Variants in CFAP20DC observed in about 807,000 individuals in gnomAD.
The protein encoded by CFAP20DC is protein CFAP20DC.
In CFAP20DC, 84 loss-of-function variants were observed where a neutral mutation model predicts 101.7. That is an observed-to-expected ratio of 0.83 (90% CI 0.69 to 0.99). The LOEUF is 0.99. CFAP20DC is among the 50% of genes least tolerant of loss of function. The pLI, the probability that CFAP20DC is intolerant of heterozygous loss-of-function variation, is 0.00. For synonymous variants in CFAP20DC, 359 were observed against 351.2 expected (o/e 1.02, Z -0.25); for missense variants, 1,007 against 970.3 (o/e 1.04, Z -0.50).
At chr3:58,750,169 C>A (rs73837945) in intron 16 of CFAP20DC, among the ~76,000 whole-genome samples, 2,707 of 152,262 alleles carry the variant, frequency 0.018, 96 homozygotes, top group African/African-American at 0.062. Context: ...AAAGTAGGGA[C>A]AGGAACCTCT....
rs376001623 is a variant in CFAP20DC at position 58,885,640 on chromosome 3, A to G, written c.551-931T>C. Reference sequence around the variant, plus strand: ...CCCCCTACCATTTCCAGCATCTAGTATCCTCTGTACTTCTTTTTACTTCTA... The same window carrying G: ...CCCCCTACCATTTCCAGCATCTAGTGTCCTCTGTACTTCTTTTTACTTCTA... On this transcript the variant is annotated intron_variant, in intron 6 of 16. Transcript: ENST00000482387. Among the ~76,000 whole-genome samples the G allele has an allele frequency of 6.7e-5, 10 of 150,312 alleles. No individual in the cohort carries two copies. In the East Asian group the frequency reaches 1.9e-3, roughly 29 times the overall value.
intron 15 of CFAP20DC, among the ~76,000 whole-genome samples, chr3:58,777,900 A>G (rs2071479941): frequency 6.6e-6 from 1 of 152,194 alleles, no homozygotes; most frequent in South Asian, 2.1e-4. Context: ...ACCAAGTCCT[A>G]AGGAGCTGCA....
intron 7 of CFAP20DC, among the ~76,000 whole-genome samples, chr3:58,872,421 C>G (rs1325467475): frequency 6.6e-6 from 1 of 151,802 alleles, no homozygotes; most frequent in Admixed American, 6.6e-5. Flanking sequence ...ATATACCATA[C>G]TCAGCAAGAT....
chr3:58,861,686 T>G lies in CFAP20DC; in HGVS notation c.1593+1872A>C. 1 of 985,444 alleles carries G rather than the reference T, an allele frequency of 1.0e-6. No homozygotes were observed. The highest frequency in any genetic ancestry group is 1.2e-6 in the Non-Finnish European group (1 of 829,936). 61.0% of individuals were successfully genotyped at this position (985,444 alleles called of 1,614,324 possible). On this transcript the variant is annotated intron_variant, in intron 12 of 16. Transcript: ENST00000482387. This position sits in a 1 kb window ranked among gnomAD's most constrained non-coding sequence, Gnocchi z 4.0. Reference sequence around the variant, plus strand: ...ACCAGCAAACCCCAAAGCTTGATAATGTGGCAGGTGTTTCCCCTCTCTCTG... The same window carrying G: ...ACCAGCAAACCCCAAAGCTTGATAAGGTGGCAGGTGTTTCCCCTCTCTCTG...
intron 13 of CFAP20DC, among the ~76,000 whole-genome samples, chr3:58,838,632 T>A (rs550934376): frequency 2.0e-5 from 3 of 152,218 alleles, no homozygotes; most frequent in Non-Finnish European, 4.4e-5. Context: ...TATATTTATA[T>A]AGAATAACTT....
rs2091404111 is a variant in CFAP20DC at position 58,964,649 on chromosome 3, A to C, written c.279-26887T>G. Among the ~76,000 whole-genome samples, 1 of 152,210 alleles carries C rather than the reference A, an allele frequency of 6.6e-6. No homozygotes were observed. Among genetic ancestry groups the C allele is most frequent in the East Asian group, 1.9e-4 (1 of 5,206 alleles). ...AGTTAACACCTACCACTTACTAATA[A>C]TAATTTGAACTACTTATTTACATAT... On this transcript the variant is annotated intron_variant, in intron 4 of 16. Coordinates refer to ENST00000482387, the MANE Select transcript of CFAP20DC (RefSeq NM_001394063.1). The surrounding 1 kb of genome is among the most constrained non-coding windows in gnomAD (Gnocchi z 4.1).
chr3:58,780,383 G>A (rs115304968), intron 15 of CFAP20DC, among the ~76,000 whole-genome samples: 1 of 151,970 alleles, frequency 6.6e-6, no homozygotes, highest in Non-Finnish European at 1.5e-5. Flanking sequence ...AAGGAACAAA[G>A]GATATGTAAA....
intron 4 of CFAP20DC, among the ~76,000 whole-genome samples, chr3:58,958,147 A>T (rs981240557): frequency 2.0e-5 from 3 of 152,124 alleles, no homozygotes; most frequent in Admixed American, 6.5e-5. Context: ...CAAATTTTTT[A>T]AAAATTATTT....
Position 58,878,476 on chromosome 3 carries a change from T to C in CFAP20DC, c.715+6069A>G, listed in dbSNP as rs916570822. 2.6e-5 allele frequency among the ~76,000 whole-genome samples: 4 copies of C among 152,288 alleles called. No individual in the cohort carries two copies. In the South Asian group the frequency reaches 8.3e-4, roughly 32 times the overall value. ...ATTTATTAAAAAGTCAGAATTAGCC[T>C]ACTTTTTTTCTTTACTCTTAATGAG... On this transcript the variant is annotated intron_variant, in intron 7 of 16. Coordinates refer to ENST00000482387, the MANE Select transcript of CFAP20DC (RefSeq NM_001394063.1).
intron 16 of CFAP20DC, among the ~76,000 whole-genome samples, chr3:58,746,041 C>G (rs369852015): frequency 8.5e-5 from 13 of 152,102 alleles, no homozygotes; most frequent in African/African-American, 4.8e-5. Context: ...GGGTTATGTA[C>G]GTTTATACCT....
chr3:58,857,073 A>G (rs186146081), intron 12 of CFAP20DC, among the ~76,000 whole-genome samples: 3 of 152,338 alleles, frequency 2.0e-5, no homozygotes, highest in East Asian at 1.9e-4. Context: ...TCTAGACACT[A>G]TACAAGATAC....
chr3:58,810,090 C>A (rs914926147), intron 14 of CFAP20DC, among the ~76,000 whole-genome samples: 3 of 152,114 alleles, frequency 2.0e-5, no homozygotes, highest in Non-Finnish European at 4.4e-5. Context: ...GAATCCAGGA[C>A]CAGATGGACT....
intron 5 of CFAP20DC, among the ~76,000 whole-genome samples, chr3:58,935,067 C>T (rs2087335473): frequency 6.6e-6 from 1 of 152,210 alleles, no homozygotes; most frequent in Admixed American, 6.5e-5. Flanking sequence ...TAAGCAACTT[C>T]AGCAAAGTCT....
chr3:58,728,296 G>T lies in CFAP20DC; in HGVS notation c.198-10668C>A, dbSNP rs1357900746. On this transcript the variant is annotated intron_variant, in intron 3 of 3. Coordinates refer to the CFAP20DC transcript ENST00000486145. This position sits in a 1 kb window ranked among gnomAD's most constrained non-coding sequence, Gnocchi z 4.7. Reference sequence around the variant, plus strand: ...TTTGCATAGGAAAATACCTTTGGCTGTCCCATTGGGGAGGAAATTGGAAGA... The same window carrying T: ...TTTGCATAGGAAAATACCTTTGGCTTTCCCATTGGGGAGGAAATTGGAAGA... Among the ~76,000 whole-genome samples, 1 of 152,208 alleles carries T rather than the reference G, an allele frequency of 6.6e-6. No homozygotes were observed. Among genetic ancestry groups the T allele is most frequent in the Non-Finnish European group, 1.5e-5 (1 of 68,034 alleles).
At chr3:59,046,441 A>T (rs1158094746) in intron 2 of CFAP20DC, 119 bp from the exon 3 acceptor site, 10 of 674,138 alleles carry the variant, frequency 1.5e-5, no homozygotes, top group Non-Finnish European at 2.5e-5. Flanking sequence ...ACTTAAAAGC[A>T]GGCTCAGGCC....
Position 58,875,857 on chromosome 3 carries a change from C to T in CFAP20DC, c.716-5548G>A, listed in dbSNP as rs553003946. 3.3e-5 allele frequency among the ~76,000 whole-genome samples: 5 copies of T among 152,224 alleles called. No individual in the cohort carries two copies. The East Asian group carries it at 7.7e-4, about 23-fold the overall frequency. ...GACAAAATGAACATATTAACCAGTT[C>T]ATAGTTATTAACAAAATTAAAACTA... On this transcript the variant is annotated intron_variant, in intron 7 of 16. Coordinates refer to ENST00000482387, the MANE Select transcript of CFAP20DC (RefSeq NM_001394063.1).
intron 6 of CFAP20DC, among the ~76,000 whole-genome samples, chr3:58,890,440 A>C (rs1468256553): frequency 5.0e-5 from 4 of 80,242 alleles, no homozygotes; most frequent in South Asian, 4.6e-4. Flanking sequence ...GGGGGGGCTG[A>C]CCCCCCCCAC....
chr3:58,835,208 G>A (rs1277865316), intron 13 of CFAP20DC, among the ~76,000 whole-genome samples: 3 of 152,164 alleles, frequency 2.0e-5, no homozygotes, highest in East Asian at 3.9e-4. Context: ...GGAGACCTGA[G>A]AGGTATTATA....
chr3:59,037,374 T>A (rs527266690), intron 4 of CFAP20DC, among the ~76,000 whole-genome samples: 9 of 151,454 alleles, frequency 5.9e-5, no homozygotes, highest in Non-Finnish European at 1.2e-4. Flanking sequence ...ATTTTTGCAA[T>A]CTACCCATCT....
Sources: allele counts gnomAD v4.1 joint callset (sites outside exome capture counted in the v4.1 genomes callset), GRCh38; gene constraint gnomAD v4.1.1; non-coding constraint Gnocchi (gnomAD v3.1); transcripts MANE v1.5; gene names NCBI Gene and HGNC (gene_info 2026-07-23, HGNC 2026-07-21).